Variants in ZIM2 observed in about 807,000 individuals in gnomAD.
ZIM2 encodes zinc finger imprinted 2.
ZIM2 carries 14 observed loss-of-function variants against 38.6 expected under a neutral mutation model. That is an observed-to-expected ratio of 0.36 (90% CI 0.24 to 0.57). The LOEUF (loss-of-function observed/expected upper bound fraction) is 0.57. Ranked by LOEUF, ZIM2 falls within the 20% of genes least tolerant of loss-of-function variation. ZIM2 has a pLI of 0.81. For synonymous variants in ZIM2, 247 were observed against 245.8 expected, an observed-to-expected ratio of 1.00 and a Z score of -0.04; for missense variants, 680 against 695.1, an observed-to-expected ratio of 0.98 and a Z score of 0.24.
intron 9 of ZIM2, chr19:56,812,745 A>C (rs991091421): frequency 9.1e-6 from 9 of 985,302 alleles, no homozygotes; most frequent in Non-Finnish European, 1.1e-5. Flanking sequence ...CTTTAAAGGC[A>C]AAGATGTAAG....
intron 9 of ZIM2, among the ~76,000 whole-genome samples, chr19:56,802,651 G>C (rs910317516): frequency 1.3e-5 from 2 of 152,152 alleles, no homozygotes; most frequent in African/African-American, 4.8e-5. Flanking sequence ...GACTTTTTCT[G>C]CATTCCACTG....
chr19:56,789,561 CAATT>C (rs1380799385), intron 10 of ZIM2, among the ~76,000 whole-genome samples: 6 of 151,570 alleles, frequency 4.0e-5, no homozygotes, highest in South Asian at 4.2e-4. Flanking sequence ...AATAAGTAAA[CAATT>C]AATTCAAAAG....
intron 2 of ZIM2, among the ~76,000 whole-genome samples, chr19:56,834,234 C>A (rs971886695): frequency 2.0e-5 from 3 of 152,094 alleles, no homozygotes; most frequent in African/African-American, 7.2e-5. Flanking sequence ...GGATAGTGAA[C>A]AACTCTCATC....
At chr19:56,802,821 G>A (rs1234747696) in intron 9 of ZIM2, among the ~76,000 whole-genome samples, 4 of 152,220 alleles carry the variant, frequency 2.6e-5, no homozygotes, top group Non-Finnish European at 4.4e-5. Flanking sequence ...TGACCATTTC[G>A]AATGGATGGG....
In ZIM2 at chr19:56,815,877, A is replaced by G. The variant is rs202029369; in HGVS notation, c.490+1869T>C. 30 of 1,613,572 alleles carry G rather than the reference A, an allele frequency of 1.9e-5. No individual in the cohort carries two copies. In the Middle Eastern group the frequency reaches 1.2e-3, roughly 62 times the overall value. On this transcript the variant is annotated intron_variant, in intron 9 of 12. Coordinates refer to ENST00000629319, the MANE Select transcript of ZIM2 (RefSeq NM_001387356.1). ...AAATGGAGGATTCTCCCTTCTCATT[A>G]GATTCCACCAATTCATTTCCATTGT...
chr19:56,812,620 A>G (rs886106546), intron 9 of ZIM2: 14 of 985,602 alleles, frequency 1.4e-5, no homozygotes, highest in Middle Eastern at 5.2e-4. Context: ...GAAGCGCACA[A>G]AGGAAGTGAT....
At chr19:56,798,872 C>A (rs1052106081) in intron 9 of ZIM2, 1 of 152,066 alleles carries the variant, frequency 6.6e-6, no homozygotes, top group Admixed American at 6.6e-5. Context: ...AAGCTCAACA[C>A]CACTGATCAT....
At chr19:56,835,583 A>T (rs1392786739) in intron 2 of ZIM2, among the ~76,000 whole-genome samples, 1 of 152,250 alleles carries the variant, frequency 6.6e-6, no homozygotes, top group African/African-American at 2.4e-5. Context: ...CTCTTGCAAA[A>T]GTATAAATCA....
intron 12 of ZIM2, among the ~76,000 whole-genome samples, chr19:56,776,134 T>TAA (rs1329054525): frequency 6.8e-6 from 1 of 146,748 alleles, no homozygotes; most frequent in Non-Finnish European, 1.5e-5. Flanking sequence ...GAAAAGACAG[T>TAA]AAGCAAGGAA....
chr19:56,805,952 A>C (rs1458218245), intron 9 of ZIM2, among the ~76,000 whole-genome samples: 1 of 152,254 alleles, frequency 6.6e-6, no homozygotes, highest in Non-Finnish European at 1.5e-5. Flanking sequence ...TGCAAAGGTT[A>C]TAATAGTACC....
At chr19:56,822,574 T>C in intron 6 of ZIM2, 179 bp downstream of exon 6, 1 of 715,242 alleles carries the variant, frequency 1.4e-6, no homozygotes, top group Non-Finnish European at 2.3e-6. Flanking sequence ...TGGTGAAACC[T>C]GTGCTGGTGG....
chr19:56,799,240 C>T (rs58197054), intron 9 of ZIM2: 8 of 152,238 alleles, frequency 5.3e-5, no homozygotes, highest in East Asian at 1.9e-4. Flanking sequence ...AAATATGGTA[C>T]GTATACACCA....
chr19:56,833,368 C>T (rs1273504188), intron 2 of ZIM2: 1 of 356,982 alleles, frequency 2.8e-6, no homozygotes, highest in South Asian at 2.1e-5. Context: ...CCAGGGACAG[C>T]GTGGTGTGTG....
At chr19:56,812,961 C>T (rs2059640270) in intron 9 of ZIM2, 9 of 985,618 alleles carry the variant, frequency 9.1e-6, no homozygotes, top group Admixed American at 6.2e-5. Context: ...TATTAGGTTC[C>T]AAAGTGTTGG....
At chr19:56,829,167 G>A (rs1989003) in intron 2 of ZIM2, among the ~76,000 whole-genome samples, 119,511 of 151,882 alleles carry the variant, frequency 0.79, 47,147 homozygotes, top group South Asian at 0.84. Flanking sequence ...CCTGGCCAAC[G>A]TGGTGAAACT....
intron 2 of ZIM2, among the ~76,000 whole-genome samples, 200 bp from the exon 3 acceptor site, chr19:56,826,663 T>C (rs1198668998): frequency 6.6e-6 from 1 of 152,136 alleles, no homozygotes; most frequent in Admixed American, 6.5e-5. Flanking sequence ...CAAACTGTCT[T>C]TATGAAACCA....
chr19:56,819,740 T>C (rs1171490431), intron 7 of ZIM2, among the ~76,000 whole-genome samples: 1 of 152,266 alleles, frequency 6.6e-6, no homozygotes, highest in African/African-American at 2.4e-5. Flanking sequence ...TTCTGCAGTG[T>C]GATGTCTTGC....
intron 10 of ZIM2, among the ~76,000 whole-genome samples, chr19:56,787,661 C>T (rs1388567834): frequency 1.3e-5 from 2 of 150,754 alleles, no homozygotes; most frequent in Non-Finnish European, 2.9e-5. Context: ...GGTACAAGCT[C>T]CTCTTTGTAC....
chr19:56,816,630 GCGCTCACGTTCA>G, intron 9 of ZIM2: 1 of 1,612,064 alleles, frequency 6.2e-7, no homozygotes. Context: ...AGGTTTCCCC[GCGCTCACGTTCA>G]CGTTCACGTT....
Sources: allele counts gnomAD v4.1 joint callset (sites outside exome capture counted in the v4.1 genomes callset), GRCh38; gene constraint gnomAD v4.1.1; transcripts MANE v1.5; gene names NCBI Gene and HGNC (gene_info 2026-07-23, HGNC 2026-07-21).